ANKRD44: variants seen among roughly 807,000 people sequenced by gnomAD.
ANKRD44 encodes serine/threonine-protein phosphatase 6 regulatory ankyrin repeat subunit B.
In ANKRD44, 35 loss-of-function variants were observed where a neutral mutation model predicts 116.0. The ratio of observed to expected loss-of-function variants is 0.30; its 90% confidence interval spans 0.23 to 0.40. The LOEUF is 0.40. ANKRD44 is among the 10% of genes least tolerant of loss of function. The probability of loss-of-function intolerance (pLI) is 1.00; values close to 1 mark genes in which losing one functional copy is unlikely to be tolerated. For missense variants in ANKRD44, 1,014 were observed against 1,242.6 expected, an observed-to-expected ratio of 0.82 and a Z score of 2.77; for synonymous variants, 435 against 461.8, an observed-to-expected ratio of 0.94 and a Z score of 0.74.
chr2:197,102,698 A>G (rs952498384), intron 9 of ANKRD44, among the ~76,000 whole-genome samples: 1 of 152,166 alleles, frequency 6.6e-6, no homozygotes, highest in Non-Finnish European at 1.5e-5. Flanking sequence ...CCATATACAC[A>G]TATGTATATA....
chr2:197,250,561 G>C (rs1187013560), intron 1 of ANKRD44, among the ~76,000 whole-genome samples: 1 of 152,196 alleles, frequency 6.6e-6, no homozygotes, highest in African/African-American at 2.4e-5. Flanking sequence ...GGGCAGTTAA[G>C]AGTGCCTCCC....
chr2:197,215,008 G>C (rs1263798074), intron 1 of ANKRD44, among the ~76,000 whole-genome samples: 1 of 152,110 alleles, frequency 6.6e-6, no homozygotes, highest in Non-Finnish European at 1.5e-5. Context: ...CTCCCGAGTA[G>C]CTGGGATTAT....
intron 1 of ANKRD44, among the ~76,000 whole-genome samples, chr2:197,304,907 G>C (rs969993432): frequency 2.6e-5 from 4 of 152,182 alleles, no homozygotes; most frequent in Non-Finnish European, 4.4e-5. Flanking sequence ...CACCACTGTA[G>C]ACCTGACTCA....
At chr2:197,218,575 C>A (rs1174090351) in intron 1 of ANKRD44, among the ~76,000 whole-genome samples, 1 of 152,100 alleles carries the variant, frequency 6.6e-6, no homozygotes, top group Non-Finnish European at 1.5e-5. Context: ...CATGACACAT[C>A]CTACAGCCCA....
At chr2:197,148,650 G>A (rs1283837317) in intron 2 of ANKRD44, among the ~76,000 whole-genome samples, 1 of 152,148 alleles carries the variant, frequency 6.6e-6, no homozygotes, top group African/African-American at 2.4e-5. Context: ...TAAAACAGAT[G>A]GCAGGCAGGG....
At chr2:197,221,875 C>T (rs1469432674) in intron 1 of ANKRD44, among the ~76,000 whole-genome samples, 1 of 152,180 alleles carries the variant, frequency 6.6e-6, no homozygotes, top group African/African-American at 2.4e-5. Context: ...ACAGAAAGCA[C>T]CCAGTGTTAA....
intron 1 of ANKRD44, among the ~76,000 whole-genome samples, chr2:197,301,649 G>C (rs2083910863): frequency 6.6e-6 from 1 of 152,048 alleles, no homozygotes; most frequent in South Asian, 2.1e-4. Flanking sequence ...TCTTTTCTTT[G>C]TTTGAGTACT....
At chr2:196,971,194 G>A (rs778829928) in intron 21 of ANKRD44, among the ~76,000 whole-genome samples, 29 of 152,070 alleles carry the variant, frequency 1.9e-4, no homozygotes, top group South Asian at 4.1e-4. Context: ...ACATTATAGA[G>A]TAGGTCCTGA....
At chr2:197,271,397 A>T (rs1366921281) in intron 1 of ANKRD44, among the ~76,000 whole-genome samples, 1 of 152,226 alleles carries the variant, frequency 6.6e-6, no homozygotes, top group South Asian at 2.1e-4. Context: ...CTCAGCAGAC[A>T]CTGAATCTGC....
At chr2:197,223,184 C>T (rs900100930) in intron 1 of ANKRD44, among the ~76,000 whole-genome samples, 1 of 152,082 alleles carries the variant, frequency 6.6e-6, no homozygotes, top group Non-Finnish European at 1.5e-5. Context: ...ATGTTACAGG[C>T]ACCCATATAC....
intron 8 of ANKRD44, among the ~76,000 whole-genome samples, chr2:197,116,516 T>G (rs1470467484): frequency 6.6e-6 from 1 of 152,172 alleles, no homozygotes; most frequent in Non-Finnish European, 1.5e-5. Flanking sequence ...AGACGACAGT[T>G]CCTTGGTCTC....
chr2:196,997,322 A>G (rs2125889493), intron 25 of ANKRD44, among the ~76,000 whole-genome samples: 1 of 152,082 alleles, frequency 6.6e-6, no homozygotes, highest in African/African-American at 2.4e-5. Flanking sequence ...CATATCTTCT[A>G]AAATACCATA....
intron 21 of ANKRD44, among the ~76,000 whole-genome samples, chr2:196,976,310 G>C (rs1412639018): frequency 1.3e-5 from 2 of 151,890 alleles, no homozygotes; most frequent in South Asian, 2.1e-4. Context: ...CTAATTTTTT[G>C]TATTTTTAGT....
chr2:197,207,671 A>C (rs1482315845), intron 1 of ANKRD44, among the ~76,000 whole-genome samples: 1 of 152,168 alleles, frequency 6.6e-6, no homozygotes, highest in African/African-American at 2.4e-5. Flanking sequence ...AGATTATGAT[A>C]GACCTTTCCC....
At chr2:197,259,824 C>T (rs1247758968) in intron 1 of ANKRD44, among the ~76,000 whole-genome samples, 1 of 152,064 alleles carries the variant, frequency 6.6e-6, no homozygotes, top group East Asian at 1.9e-4. Context: ...ACCTTTTGGT[C>T]ATCTATAGAG....
At chr2:197,302,632 C>G (rs1282797251) in intron 1 of ANKRD44, 1 of 152,144 alleles carries the variant, frequency 6.6e-6, no homozygotes, top group East Asian at 1.9e-4. Flanking sequence ...ACCTGAATGT[C>G]TGCCTGGCTT....
chr2:197,069,891 C>CT (rs199988682), intron 16 of ANKRD44, among the ~76,000 whole-genome samples: 107 of 144,700 alleles, frequency 7.4e-4, no homozygotes, highest in Middle Eastern at 3.7e-3. Flanking sequence ...AATGTCTCTC[C>CT]TTTTTTTTTT....
At chr2:197,028,637 CT>C (rs2076643575) in intron 16 of ANKRD44, 1 of 155,342 alleles carries the variant, frequency 6.4e-6, no homozygotes, top group Non-Finnish European at 1.4e-5. Flanking sequence ...TTCACTGCCT[CT>C]TTGATAAGGT....
intron 2 of ANKRD44, among the ~76,000 whole-genome samples, chr2:197,168,876 C>T (rs1280271722): frequency 1.3e-5 from 2 of 152,168 alleles, no homozygotes; most frequent in Non-Finnish European, 2.9e-5. Context: ...CACCCTACTT[C>T]AGGCACATCA....
Sources: allele counts gnomAD v4.1 joint callset (sites outside exome capture counted in the v4.1 genomes callset), GRCh38; gene constraint gnomAD v4.1.1; transcripts MANE v1.5; gene names NCBI Gene and HGNC (gene_info 2026-07-23, HGNC 2026-07-21).